The following PIBF1 variants were observed in gnomAD, a reference collection of about 807,000 sequenced individuals.
PIBF1 encodes the protein progesterone immunomodulatory binding factor 1, also known as progesterone-induced-blocking factor 1.
In PIBF1, 90 loss-of-function variants were observed where a neutral mutation model predicts 112.5. That is an observed-to-expected ratio of 0.80 (90% CI 0.67 to 0.95). The LOEUF is 0.95. Among genes scored for constraint, PIBF1 ranks in the 40% least tolerant of loss-of-function variants. The probability of loss-of-function intolerance (pLI) is 0.00; values close to 1 mark genes in which losing one functional copy is unlikely to be tolerated. For synonymous variants in PIBF1, 301 were observed against 288.6 expected, an observed-to-expected ratio of 1.04 and a Z score of -0.44; for missense variants, 915 against 852.3, an observed-to-expected ratio of 1.07 and a Z score of -0.92.
intron 15 of PIBF1, among the ~76,000 whole-genome samples, chr13:72,971,469 T>C (rs538318358): frequency 2.0e-5 from 3 of 152,276 alleles, no homozygotes; most frequent in East Asian, 1.9e-4. Context: ...GTTTCCTTTA[T>C]ACTGTTTTGT....
At chr13:72,847,116 A>G (rs558437752) in intron 9 of PIBF1, among the ~76,000 whole-genome samples, 15 of 152,366 alleles carry the variant, frequency 9.8e-5, no homozygotes, top group East Asian at 1.9e-4. Flanking sequence ...CCTGTCAGCT[A>G]CTTTGTAAAT....
chr13:72,933,477 C>A (rs972004060), intron 14 of PIBF1, among the ~76,000 whole-genome samples: 4 of 152,212 alleles, frequency 2.6e-5, no homozygotes, highest in Admixed American at 2.6e-4. Flanking sequence ...GCCTGGCCAA[C>A]ATGGTGGAAC....
chr13:72,811,841 T>C (rs994000804), intron 5 of PIBF1, among the ~76,000 whole-genome samples: 1 of 152,026 alleles, frequency 6.6e-6, no homozygotes, highest in Admixed American at 6.6e-5. Context: ...TAAAAGTGCA[T>C]GAGGGAAAAA....
intron 13 of PIBF1, among the ~76,000 whole-genome samples, chr13:72,924,250 G>C (rs1358800386): frequency 6.6e-6 from 1 of 151,932 alleles, no homozygotes; most frequent in Non-Finnish European, 1.5e-5. Flanking sequence ...TCTTCTTTGT[G>C]CACTTTTTAA....
rs146278487 is a variant in PIBF1, at chr13:72,831,464, G to A, written c.1097+3550G>A. Among the ~76,000 whole-genome samples the A allele has an allele frequency of 7.6e-3, 1,152 of 152,242 alleles. 14 individuals are homozygous for A. Among genetic ancestry groups the A allele is most frequent in the Middle Eastern group, 0.014 (4 of 294 alleles). On this transcript the variant is annotated intron_variant, in intron 8 of 17. Transcript: ENST00000326291. ...TGGCCCAGAGATTCTGGTATGTTGT[G>A]TCTTCATTCTCATTGGTTTCAAAGA...
chr13:72,979,811 A>G (rs976596527), intron 16 of PIBF1, among the ~76,000 whole-genome samples: 1 of 152,058 alleles, frequency 6.6e-6, no homozygotes, highest in African/African-American at 2.4e-5. Flanking sequence ...AGTTCCAGCT[A>G]CTCGGGAGGC....
rs10665584 is a variant in PIBF1 at position 72,916,397 on chromosome 13, A to AATATAT, written c.1640-666_1640-661dup. 1.7e-3 allele frequency among the ~76,000 whole-genome samples: 231 copies of AATATAT among 138,170 alleles called. 2 individuals carry two copies. The highest frequency in any genetic ancestry group is 6.7e-3 in the African/African-American group (215 of 32,166). The allele number at this position is 138,170 out of a possible 152,430, so 90.6% of individuals were successfully genotyped here. On this transcript the variant is annotated intron_variant, in intron 12 of 17. Transcript: ENST00000326291. Reference sequence around the variant, plus strand: ...ACAAGAGCGAAACTCCATCTCAAAAAATATATATATATATATATTTTTTTA... The same window carrying AATATAT: ...ACAAGAGCGAAACTCCATCTCAAAAAATATATATATATATATATATATATTTTTTTA...
chr13:73,005,283 C>A (rs926808011), intron 17 of PIBF1, among the ~76,000 whole-genome samples: 3 of 150,836 alleles, frequency 2.0e-5, no homozygotes, highest in Non-Finnish European at 2.9e-5. Flanking sequence ...TTTGTGAGAT[C>A]CTACCTTTAC....
chr13:72,858,526 G>A (rs1284546016), intron 10 of PIBF1, among the ~76,000 whole-genome samples: 1 of 152,138 alleles, frequency 6.6e-6, no homozygotes, highest in Non-Finnish European at 1.5e-5. Context: ...CAATGTAGTT[G>A]TACAAAAGGA....
At chr13:72,978,590 G>T (rs2043081641) in intron 16 of PIBF1, among the ~76,000 whole-genome samples, 1 of 151,214 alleles carries the variant, frequency 6.6e-6, no homozygotes, top group Non-Finnish European at 1.5e-5. Context: ...TTTCCTTTTT[G>T]TCTTCATTGC....
intron 11 of PIBF1, among the ~76,000 whole-genome samples, chr13:72,898,938 G>A (rs2040383465): frequency 1.3e-5 from 2 of 150,974 alleles, no homozygotes; most frequent in African/African-American, 4.9e-5. Flanking sequence ...AATGAAACAG[G>A]AGATATTACA....
chr13:73,013,750 A>AGG (rs1312928653), intron 17 of PIBF1, among the ~76,000 whole-genome samples: 1 of 143,786 alleles, frequency 7.0e-6, no homozygotes, highest in African/African-American at 2.5e-5. Flanking sequence ...AAAAAAAAAA[A>AGG]AAAGAAAAAG....
At position 72,795,450 on chromosome 13, in the gene PIBF1, G is replaced by T. The variant is rs746694030; in HGVS notation, c.445G>T (p.Ala149Ser). Residue 149 changes from alanine (A) to serine (S), a missense_variant, in exon 4 of 18, where the codon GCT becomes TCT. Coordinates refer to ENST00000326291, the MANE Select transcript of PIBF1 (RefSeq NM_006346.4). ...GACAAATCTTCAGCTAAGAGAAAAA[G>T]CTGGAGATGTTCGTCGAAACCTGCG... Reference protein sequence around the residue: ...EETNLQLREKAGDVRRNLRDF... With the variant: ...EETNLQLREKSGDVRRNLRDF... 4.3e-6 allele frequency: 7 copies of T among 1,610,626 alleles called. No homozygotes were observed. In the East Asian group the frequency reaches 1.6e-4, roughly 36 times the overall value.
intron 16 of PIBF1, 171 bp downstream of exon 16, chr13:72,973,846 T>G (rs1045042204): frequency 2.1e-5 from 11 of 518,852 alleles, no homozygotes; most frequent in Non-Finnish European, 1.7e-5. Flanking sequence ...TTCTTAGAGT[T>G]AATTCTTATT....
At chr13:72,994,010 G>A (rs1043993601) in intron 16 of PIBF1, among the ~76,000 whole-genome samples, 2 of 151,966 alleles carry the variant, frequency 1.3e-5, no homozygotes, top group East Asian at 3.9e-4. Context: ...GGCTCAGGAG[G>A]CTAAAGCAGT....
intron 16 of PIBF1, among the ~76,000 whole-genome samples, chr13:72,990,273 A>C (rs908472568): frequency 2.0e-5 from 3 of 150,990 alleles, no homozygotes; most frequent in Non-Finnish European, 4.4e-5. Context: ...TAATCCCAGC[A>C]CTTTGGGAGG....
chr13:72,985,797 A>G (rs1393107732), intron 16 of PIBF1, among the ~76,000 whole-genome samples: 1 of 152,096 alleles, frequency 6.6e-6, no homozygotes, highest in Admixed American at 6.6e-5. Context: ...TTAAAGTCTG[A>G]AGTTGATGCT....
At chr13:72,832,263 C>T (rs982999558) in intron 8 of PIBF1, among the ~76,000 whole-genome samples, 1 of 151,960 alleles carries the variant, frequency 6.6e-6, no homozygotes, top group Non-Finnish European at 1.5e-5. Flanking sequence ...AGCCTGTTTA[C>T]ATTTAAGGTT....
chr13:72,789,508 A>G (rs61966347), intron 2 of PIBF1, among the ~76,000 whole-genome samples: 9,896 of 152,066 alleles, frequency 0.065, 449 homozygotes, highest in East Asian at 0.14. Context: ...TAAATGCCCC[A>G]AACTCTTTTT....
Sources: gnomAD v4.1 joint callset for allele counts (sites outside exome capture counted in the v4.1 genomes callset) on GRCh38, gnomAD v4.1.1 for gene constraint, MANE v1.5 for transcripts, NCBI Gene and HGNC (gene_info 2026-07-23, HGNC 2026-07-21) for gene names.